Variants in TPRA1 observed in about 807,000 individuals in gnomAD.
The protein encoded by TPRA1 is transmembrane protein adipocyte-associated 1.
A neutral mutation model predicts 40.1 loss-of-function variants in TPRA1; 28 were observed. The observed-to-expected ratio is 0.70, with a 90% CI of 0.52 to 0.96. TPRA1 has a LOEUF of 0.96. TPRA1 is among the 40% of genes least tolerant of loss of function. TPRA1 has a pLI of 0.00. For synonymous variants in TPRA1, 219 were observed against 209.7 expected, an observed-to-expected ratio of 1.04 and a Z score of -0.38; for missense variants, 441 against 482.6, an observed-to-expected ratio of 0.91 and a Z score of 0.81.
upstream of TPRA1, among the ~76,000 whole-genome samples, chr3:127,592,759 C>G (rs565132408): frequency 1.3e-5 from 2 of 152,186 alleles, no homozygotes; most frequent in Non-Finnish European, 2.9e-5. Flanking sequence ...CAAGTGAGGA[C>G]GCGGCAAAGG....
intron 1 of TPRA1, among the ~76,000 whole-genome samples, chr3:127,596,161 C>T (rs1022728279): frequency 5.3e-5 from 8 of 152,124 alleles, no homozygotes; most frequent in African/African-American, 1.9e-4. Flanking sequence ...CTCACCGCAA[C>T]CTCCACCTCC....
At chr3:127,575,905 C>A in intron 7 of TPRA1, 35 bp downstream of exon 7, 1 of 1,612,334 alleles carries the variant, frequency 6.2e-7, no homozygotes, top group Non-Finnish European at 8.5e-7. Flanking sequence ...GCCCTAAGGC[C>A]CCAGCCACCC....
intron 1 of TPRA1, among the ~76,000 whole-genome samples, chr3:127,596,532 A>G (rs992417993): frequency 1.3e-5 from 2 of 152,174 alleles, no homozygotes; most frequent in African/African-American, 4.8e-5. Flanking sequence ...TCCCAGGCTT[A>G]GACCTTCTCA....
chr3:127,580,751 C>T (rs562333331), intron 1 of TPRA1, among the ~76,000 whole-genome samples: 4 of 152,240 alleles, frequency 2.6e-5, no homozygotes, highest in Non-Finnish European at 5.9e-5. Flanking sequence ...ATGCCCTCCT[C>T]GGTTGCACCC....
chr3:127,576,321 G>A lies in TPRA1; in HGVS notation c.499-271C>T, dbSNP rs981792137. On this transcript the variant is annotated intron_variant, in intron 6 of 10. Transcript: ENST00000355552. This position sits in a 1 kb window ranked among gnomAD's most constrained non-coding sequence, Gnocchi z 4.6. The stretch of plus-strand genomic sequence containing the variant: ...AGTCCCTGCCCCCAATCTAAGAAAG[G>A]GGCCTCTAGATGCATGCTTCTCAGG... Among the ~76,000 whole-genome samples the A allele has an allele frequency of 1.1e-4, 17 of 152,260 alleles. No homozygotes were observed. Among genetic ancestry groups the A allele is most frequent in the Admixed American group, 3.9e-4 (6 of 15,296 alleles).
At chr3:127,574,814 T>G (rs1314617377) in intron 10 of TPRA1, among the ~76,000 whole-genome samples, 1 of 152,266 alleles carries the variant, frequency 6.6e-6, no homozygotes, top group African/African-American at 2.4e-5. Flanking sequence ...TGTGCATATA[T>G]CTACATGTAT....
chr3:127,590,359 G>A (rs999831600), intron 1 of TPRA1, 51 bp downstream of exon 1: 2 of 152,230 alleles, frequency 1.3e-5, no homozygotes, highest in Non-Finnish European at 2.9e-5. Context: ...GGCGAGGGAC[G>A]GGGCTCCCCC....
At chr3:127,589,781 C>G (rs1484448704) in intron 1 of TPRA1, among the ~76,000 whole-genome samples, 1 of 152,120 alleles carries the variant, frequency 6.6e-6, no homozygotes, top group Non-Finnish European at 1.5e-5. Flanking sequence ...GCTCAGGACT[C>G]GGTCCCCTAG....
rs1257846801 is a variant in TPRA1, at chr3:127,590,514, C to G, written c.-122G>C. The G allele has an allele frequency of 6.6e-6, 1 of 152,268 alleles. No homozygotes were observed. The highest frequency in any genetic ancestry group is 1.5e-5 in the Non-Finnish European group (1 of 68,064). 9.4% of individuals were successfully genotyped at this position (152,268 alleles called of 1,614,324 possible). A position where few individuals can be genotyped will look rare whatever the true frequency, so the allele number is the denominator to read the frequency against. On this transcript the variant is annotated 5_prime_UTR_variant, in exon 1 of 11. Coordinates refer to ENST00000355552, the MANE Select transcript of TPRA1 (RefSeq NM_001136053.4). ...TCCAGCACAGGCCGCGGGACTCCGG[C>G]CTCCAGCGCCAGACCAGGCGGCCTG... is the stretch of plus-strand genomic sequence containing the variant.
rs572647577 is a variant in TPRA1, at chr3:127,576,733, C to A, written c.419-37G>T. 6.2e-7 allele frequency: 1 copy of A among 1,610,506 alleles called. No individual in the cohort carries two copies. Among genetic ancestry groups the A allele is most frequent in the Admixed American group, 1.7e-5 (1 of 59,462 alleles). On this transcript the variant is annotated intron_variant, in intron 5 of 10. Transcript: ENST00000355552. This position sits in a 1 kb window ranked among gnomAD's most constrained non-coding sequence, Gnocchi z 4.6. ...ATGCTGGTCAGCAGGCAGGAGCCAG[C>A]CCAGGTGACCACTCCAGAGTCAGCC...
rs1219569576 is a variant in TPRA1, at chr3:127,582,647, A to G, written c.-17-2484T>C. On this transcript the variant is annotated intron_variant, in intron 1 of 10. Transcript: ENST00000355552. ...AACCCGGGAGGTGGAGGTTGCAGTG[A>G]GCTGAGATCGTGCCACTGCACTCCA... is the stretch of plus-strand genomic sequence containing the variant. Among the ~76,000 whole-genome samples, 2 of 148,208 alleles carry G rather than the reference A, an allele frequency of 1.3e-5. 1 individual carries two copies. Among genetic ancestry groups the G allele is most frequent in the Non-Finnish European group, 3.0e-5 (2 of 67,370 alleles).
intron 1 of TPRA1, among the ~76,000 whole-genome samples, chr3:127,590,002 G>T (rs1203378535): frequency 6.6e-6 from 1 of 152,218 alleles, no homozygotes; most frequent in African/African-American, 2.4e-5. Flanking sequence ...GCAAAGCCCC[G>T]AACCGGCGGC....
chr3:127,588,343 C>A (rs2074062948), intron 1 of TPRA1, among the ~76,000 whole-genome samples: 1 of 152,124 alleles, frequency 6.6e-6, no homozygotes, highest in Admixed American at 6.5e-5. Context: ...AGCAACCACA[C>A]TGGGGTTATG....
At chr3:127,582,145 A>G (rs1201844664) in intron 1 of TPRA1, among the ~76,000 whole-genome samples, 2 of 152,172 alleles carry the variant, frequency 1.3e-5, no homozygotes, top group Non-Finnish European at 2.9e-5. Flanking sequence ...TTGCTGGTCC[A>G]AGCCCTTAAA....
At chr3:127,592,118 C>G (rs1024845069), upstream of TPRA1, among the ~76,000 whole-genome samples, 4 of 152,182 alleles carry the variant, frequency 2.6e-5, no homozygotes, top group African/African-American at 9.7e-5. Context: ...CACAATGAGC[C>G]GTGGGGAATC....
intron 1 of TPRA1, among the ~76,000 whole-genome samples, chr3:127,585,552 G>T (rs1386766485): frequency 6.6e-6 from 1 of 152,212 alleles, no homozygotes; most frequent in African/African-American, 2.4e-5. Context: ...TGCACTAGTG[G>T]CAGCAGTGCA....
rs943995560 is a variant in TPRA1, at chr3:127,572,746, G to A, written c.*775C>T. On this transcript the variant is annotated 3_prime_UTR_variant, in exon 11 of 11. Transcript: ENST00000355552. ...GATGGCAATAGTAAGTCCATTCTGC[G>A]TTTTAATGGAGCTGAGCAGAGAGAA... is the stretch of plus-strand genomic sequence containing the variant. Among the ~76,000 whole-genome samples, 5 of 152,182 alleles carry A rather than the reference G, an allele frequency of 3.3e-5. No homozygotes were observed. Among genetic ancestry groups the A allele is most frequent in the African/African-American group, 4.8e-5 (2 of 41,440 alleles).
In TPRA1 at chr3:127,572,601, T is replaced by C. The variant is rs1043091448; in HGVS notation, c.*920A>G. Among the ~76,000 whole-genome samples the C allele has an allele frequency of 6.6e-6, 1 of 152,242 alleles. No individual in the cohort carries two copies. The highest frequency in any genetic ancestry group is 2.4e-5 in the African/African-American group (1 of 41,464). On this transcript the variant is annotated 3_prime_UTR_variant, in exon 11 of 11. Coordinates refer to ENST00000355552, the MANE Select transcript of TPRA1 (RefSeq NM_001136053.4). ...GGGCCTACTATGTGCCAAGCACTAT[T>C]CTTGAGGCTAAAAATAAGAGCTATC... is the stretch of plus-strand genomic sequence containing the variant.
chr3:127,582,231 C>A (rs1357836194), intron 1 of TPRA1, among the ~76,000 whole-genome samples: 1 of 152,206 alleles, frequency 6.6e-6, no homozygotes, highest in Non-Finnish European at 1.5e-5. Flanking sequence ...CAGGTTGCTC[C>A]AGTGGGCCAC....
Sources: gnomAD v4.1 joint callset for allele counts (sites outside exome capture counted in the v4.1 genomes callset) on GRCh38, gnomAD v4.1.1 for gene constraint, Gnocchi (gnomAD v3.1) non-coding constraint, MANE v1.5 for transcripts, NCBI Gene and HGNC (gene_info 2026-07-23, HGNC 2026-07-21) for gene names.